The following ABR variants were observed in gnomAD, a reference collection of about 807,000 sequenced individuals.
ABR encodes active breakpoint cluster region-related protein.
ABR carries 35 observed loss-of-function variants against 107.2 expected under a neutral mutation model. The observed-to-expected ratio is 0.33, with a 90% CI of 0.25 to 0.43. The LOEUF is 0.43. ABR is among the 20% of genes least tolerant of loss of function. The probability of loss-of-function intolerance (pLI) is 1.00; values close to 1 mark genes in which losing one functional copy is unlikely to be tolerated. For synonymous variants in ABR, 498 were observed against 462.0 expected, an observed-to-expected ratio of 1.08 and a Z score of -1.00; for missense variants, 815 against 1,115.2, an observed-to-expected ratio of 0.73 and a Z score of 3.83.
chr17:1,058,139 T>TTA (rs1361585241), intron 11 of ABR, 94 bp from the exon 12 acceptor site: 2 of 462,884 alleles, frequency 4.3e-6, no homozygotes, highest in African/African-American at 4.3e-5. Context: ...CTTTTATCTT[T>TTA]TTTTTTTTTT....
At chr17:1,113,951 C>G (rs1023927044) in intron 2 of ABR, among the ~76,000 whole-genome samples, 2 of 149,910 alleles carry the variant, frequency 1.3e-5, no homozygotes, top group East Asian at 4.0e-4. Context: ...GAGGATCACT[C>G]AAGCCCAGGA....
intron 1 of ABR, among the ~76,000 whole-genome samples, chr17:1,196,502 A>T (rs1028744396): frequency 1.3e-5 from 2 of 152,156 alleles, no homozygotes; most frequent in African/African-American, 4.8e-5. Flanking sequence ...GGAACATAGG[A>T]CAAAACTGGG....
intron 18 of ABR, 175 bp downstream of exon 18, chr17:1,012,513 G>A: frequency 2.8e-6 from 2 of 702,820 alleles, no homozygotes; most frequent in Non-Finnish European, 5.2e-6. Context: ...CTTCTGAAGT[G>A]TCCTGTGAGC....
At position 1,083,605 on chromosome 17, in the gene ABR, T is replaced by C; in HGVS notation, c.554A>G (p.Lys185Arg). 6.2e-7 allele frequency: 1 copy of C among 1,613,968 alleles called. No homozygotes were observed. The highest frequency in any genetic ancestry group is 8.5e-7 in the Non-Finnish European group (1 of 1,179,940). The change falls in exon 5 of 23, where the codon AAA (lysine) becomes AGA (arginine). Residue 185 changes from lysine (K) to arginine (R), a missense_variant. Around this residue, in one of 5 missense-constraint regions of ABR, gnomAD observed 385 missense variants for 596.9 expected, o/e 0.64. Coordinates refer to ENST00000302538, the MANE Select transcript of ABR (RefSeq NM_021962.5). ...QKLASQLGVY[K>R]AFVDNYKVAL... ...GACTTTATAGTTATCGACAAACGCT[T>C]TGTACACACCGAGCTGGCTGGCCTG...
At chr17:1,018,229 A>C (rs8069924) in intron 16 of ABR, among the ~76,000 whole-genome samples, 4,091 of 151,698 alleles carry the variant, frequency 0.027, 122 homozygotes, top group East Asian at 0.12. Flanking sequence ...TTTTTAGTAG[A>C]GACGGGGTTT....
At position 1,050,833 on chromosome 17, in the gene ABR, C is replaced by T. The variant is rs1270473627; in HGVS notation, c.1562-199G>A. Among the ~76,000 whole-genome samples the T allele has an allele frequency of 2.0e-5, 3 of 151,958 alleles. No homozygotes were observed. Among genetic ancestry groups the T allele is most frequent in the African/African-American group, 7.3e-5 (3 of 41,364 alleles). On this transcript the variant is annotated intron_variant, in intron 14 of 22. Coordinates refer to ENST00000302538, the MANE Select transcript of ABR (RefSeq NM_021962.5). This position sits in a 1 kb window ranked among gnomAD's most constrained non-coding sequence, Gnocchi z 4.6. ...CTTCTTAGGGGCTCAGCCCTCCCCACCTCGGCTCACCCCACACTCTGCCCT... is the reference window on the plus strand; with the variant it reads ...CTTCTTAGGGGCTCAGCCCTCCCCATCTCGGCTCACCCCACACTCTGCCCT...
At chr17:1,171,714 C>T (rs2041717110) in intron 1 of ABR, among the ~76,000 whole-genome samples, 1 of 151,990 alleles carries the variant, frequency 6.6e-6, no homozygotes, top group Admixed American at 6.6e-5. Context: ...GGCGGATCAC[C>T]TGAGGTCAGG....
intron 1 of ABR, among the ~76,000 whole-genome samples, chr17:1,130,219 C>A (rs1166434954): frequency 6.6e-6 from 1 of 151,858 alleles, no homozygotes; most frequent in Non-Finnish European, 1.5e-5. Flanking sequence ...TGTTCCTGCT[C>A]CCGGAAGAAG....
At chr17:1,142,656 C>T (rs73975650) in intron 1 of ABR, among the ~76,000 whole-genome samples, 2,172 of 151,862 alleles carry the variant, frequency 0.014, 56 homozygotes, top group African/African-American at 0.05. Context: ...ATTCAGCCAG[C>T]ACAGGGAAGG....
intron 1 of ABR, among the ~76,000 whole-genome samples, chr17:1,178,545 C>A (rs1268860587): frequency 2.1e-5 from 3 of 145,494 alleles, no homozygotes; most frequent in African/African-American, 7.8e-5. Flanking sequence ...GCCTGGGCGA[C>A]AGAGCCGAGA....
intron 10 of ABR, among the ~76,000 whole-genome samples, chr17:1,062,724 C>G (rs1203460378): frequency 6.8e-6 from 1 of 147,002 alleles, no homozygotes; most frequent in Non-Finnish European, 1.5e-5. Context: ...GAACTGAGGG[C>G]TATGCATGTT....
intron 16 of ABR, among the ~76,000 whole-genome samples, chr17:1,047,423 G>A (rs1456510128): frequency 6.6e-6 from 1 of 152,236 alleles, no homozygotes; most frequent in African/African-American, 2.4e-5. Flanking sequence ...GGCTCTGAGG[G>A]CAGTCACGGG....
At chr17:1,122,484 T>G (rs1327234141) in intron 2 of ABR, among the ~76,000 whole-genome samples, 1 of 152,176 alleles carries the variant, frequency 6.6e-6, no homozygotes, top group East Asian at 1.9e-4. Context: ...AAGAGGAAGC[T>G]CCTCTCGCCT....
intron 7 of ABR, 64 bp from the exon 8 acceptor site, chr17:1,072,818 G>C (rs2035351177): frequency 1.9e-6 from 3 of 1,564,866 alleles, no homozygotes; most frequent in Non-Finnish European, 1.7e-6. Context: ...GGCCACCGGG[G>C]AGTGCTCAGT....
At chr17:1,018,289 A>T (rs534703749) in intron 16 of ABR, among the ~76,000 whole-genome samples, 6 of 151,860 alleles carry the variant, frequency 4.0e-5, no homozygotes, top group South Asian at 4.2e-4. Flanking sequence ...TGATTCGCCC[A>T]CCTCGGCCTC....
chr17:1,036,289 G>A (rs2073173173), intron 16 of ABR, among the ~76,000 whole-genome samples: 1 of 152,164 alleles, frequency 6.6e-6, no homozygotes, highest in Non-Finnish European at 1.5e-5. Flanking sequence ...GGCGGGGAGA[G>A]CCCCAAGAGG....
chr17:1,207,094 A>AAC (rs1555620949), intron 1 of ABR, among the ~76,000 whole-genome samples: 1 of 95,664 alleles, frequency 1.0e-5, no homozygotes, highest in Admixed American at 9.0e-5. Context: ...AAAACAAACA[A>AAC]AAAAAAAAGC....
At chr17:1,047,963 C>A (rs992618741) in intron 16 of ABR, among the ~76,000 whole-genome samples, 2 of 152,234 alleles carry the variant, frequency 1.3e-5, no homozygotes. Context: ...CCTTGTAACT[C>A]TTCTATTCCA....
chr17:1,071,261 C>T lies in ABR; in HGVS notation c.895-1171G>A, dbSNP rs2035213097. 2.0e-5 allele frequency among the ~76,000 whole-genome samples: 3 copies of T among 152,190 alleles called. No individual in the cohort carries two copies. Among genetic ancestry groups the T allele is most frequent in the Admixed American group, 2.0e-4 (3 of 15,288 alleles). ...CAGACGACGGGATCCCCAGACGCTG[C>T]ACATCAGCACCAGGAGCCGCACGGA... On this transcript the variant is annotated intron_variant, in intron 8 of 22. Transcript: ENST00000302538. The surrounding 1 kb of genome is among the most constrained non-coding windows in gnomAD (Gnocchi z 5.1).
Sources: allele counts gnomAD v4.1 joint callset (sites outside exome capture counted in the v4.1 genomes callset), GRCh38; gene constraint gnomAD v4.1.1; regional missense constraint gnomAD v4.1.1; non-coding constraint Gnocchi (gnomAD v3.1); transcripts MANE v1.5; gene names NCBI Gene and HGNC (gene_info 2026-07-23, HGNC 2026-07-21).